The following AFDN variants were observed in gnomAD, a reference collection of about 807,000 sequenced individuals.
The protein encoded by AFDN is afadin.
In AFDN, 68 loss-of-function variants were observed where a neutral mutation model predicts 216.6. The ratio of observed to expected loss-of-function variants is 0.31; its 90% CI spans 0.26 to 0.38. The LOEUF is 0.38. Ranked by LOEUF, AFDN falls within the 10% of genes least tolerant of loss-of-function variation. AFDN has a pLI of 1.00. For missense variants in AFDN, 2,136 were observed against 2,342.0 expected (o/e 0.91, Z 1.82); for synonymous variants, 868 against 853.7 (o/e 1.02, Z -0.29).
At chr6:167,871,107 T>TCC (rs375380129) in intron 3 of AFDN, among the ~76,000 whole-genome samples, 3 of 141,276 alleles carry the variant, frequency 2.1e-5, no homozygotes, top group South Asian at 2.5e-4. Context: ...TCCATTTCAT[T>TCC]CCCCCCCGCC....
intron 15 of AFDN, chr6:167,911,697 C>T: frequency 1.8e-6 from 1 of 558,448 alleles, no homozygotes; most frequent in South Asian, 2.2e-5. Context: ...TGTAAAACTT[C>T]AGCATAAGTG....
chr6:167,948,938 C>T (rs558030935), intron 29 of AFDN, among the ~76,000 whole-genome samples: 7 of 152,226 alleles, frequency 4.6e-5, no homozygotes, highest in Admixed American at 6.5e-5. Context: ...GCTGTATGCA[C>T]GGAAGGGCCT....
At chr6:167,851,781 G>A (rs1393367579) in intron 1 of AFDN, among the ~76,000 whole-genome samples, 1 of 152,122 alleles carries the variant, frequency 6.6e-6, no homozygotes, top group Non-Finnish European at 1.5e-5. Context: ...CACACCTGTT[G>A]CTTGTTGAGT....
chr6:167,965,649 A>G, intron 31 of AFDN, 108 bp from the exon 32 acceptor site: 2 of 1,048,472 alleles, frequency 1.9e-6, no homozygotes, highest in Middle Eastern at 3.0e-4. Flanking sequence ...TAACTATTAA[A>G]CTTTGACGTC....
chr6:167,857,094 A>G (rs1782985270), intron 1 of AFDN, among the ~76,000 whole-genome samples: 2 of 152,244 alleles, frequency 1.3e-5, no homozygotes, highest in South Asian at 2.1e-4. Flanking sequence ...AATGTTTGCT[A>G]TGATTACGGT....
At chr6:167,914,579 G>T in intron 17 of AFDN, 65 bp from the exon 18 acceptor site, 2 of 1,212,738 alleles carry the variant, frequency 1.6e-6, no homozygotes, top group South Asian at 1.3e-5. Flanking sequence ...TTTCCCATGT[G>T]ATAACATGTC....
At position 167,904,633 on chromosome 6, in the gene AFDN, C is replaced by T. The variant is rs367912893; in HGVS notation, c.1650+2247C>T. Among the ~76,000 whole-genome samples the T allele has an allele frequency of 6.6e-5, 10 of 152,284 alleles. No homozygotes were observed. In the East Asian group the frequency reaches 1.2e-3, roughly 18 times the overall value. The stretch of plus-strand genomic sequence containing the variant: ...TTAACAAACTTTCCCTGATCCTTCC[C>T]CACCTTAGAAGACAATACTACCATC... On this transcript the variant is annotated intron_variant, in intron 12 of 33. Transcript: ENST00000683244.
At chr6:167,864,335 C>T (rs750516956) in intron 1 of AFDN, 32 of 740,734 alleles carry the variant, frequency 4.3e-5, no homozygotes, top group South Asian at 9.5e-5. Context: ...TTATTTCATA[C>T]GTGACACAGG....
intron 5 of AFDN, 72 bp from the exon 6 acceptor site, chr6:167,880,288 C>T: frequency 7.1e-7 from 1 of 1,413,702 alleles, no homozygotes; most frequent in Non-Finnish European, 9.8e-7. Flanking sequence ...TCTCAAGTGA[C>T]TGTAAATGTT....
chr6:167,950,410 G>T (rs1269867248), intron 29 of AFDN, among the ~76,000 whole-genome samples: 4 of 148,092 alleles, frequency 2.7e-5, no homozygotes, highest in African/African-American at 1.0e-4. Flanking sequence ...GTGTGTGTGT[G>T]TGTGTGTGTG....
rs1333726355 is a variant in AFDN at position 167,970,182 on chromosome 6, G to T, written c.*247G>T. ...TCTTAATTATCTAACTCACACGAGG[G>T]TAAGTTTTTTGTTGGTTTCTTTTTT... is the stretch of plus-strand genomic sequence containing the variant. On this transcript the variant is annotated 3_prime_UTR_variant, in exon 34 of 34. Coordinates refer to ENST00000683244, the MANE Select transcript of AFDN (RefSeq NM_001386888.1). The T allele has an allele frequency of 4.8e-6, 2 of 413,820 alleles. No individual in the cohort carries two copies. The highest frequency in any genetic ancestry group is 4.2e-5 in the African/African-American group (2 of 47,682). 25.6% of individuals were successfully genotyped at this position (413,820 alleles called of 1,614,324 possible).
intron 2 of AFDN, among the ~76,000 whole-genome samples, chr6:167,869,268 C>G (rs1379203102): frequency 6.6e-6 from 1 of 152,060 alleles, no homozygotes; most frequent in Non-Finnish European, 1.5e-5. Context: ...TTACTCAACT[C>G]TGAAAGTGCT....
At chr6:167,893,950 A>G in intron 9 of AFDN, 44 bp downstream of exon 9, 1 of 1,408,022 alleles carries the variant, frequency 7.1e-7, no homozygotes, top group Non-Finnish European at 9.9e-7. Flanking sequence ...AAGCACTAAT[A>G]GAACCTCATG....
rs1797518538 is a variant in AFDN, at chr6:167,966,033, T to C, written c.5245T>C (p.Cys1749Arg). Reference sequence around the variant, plus strand: ...CAATGAGGAGGAGGAGGAGGAGGACTGCAGCCTAGCAGGTCAGGATAAGTA... The same window carrying C: ...CAATGAGGAGGAGGAGGAGGAGGACCGCAGCCTAGCAGGTCAGGATAAGTA... Reference protein sequence around the residue: ...AYNEEEEEEDCSLAGPNSYPG... With the variant: ...AYNEEEEEEDRSLAGPNSYPG... The change falls in exon 32 of 34, where the codon TGC (cysteine) becomes CGC (arginine). Residue 1749 changes from cysteine to arginine, a missense_variant. By Grantham distance (180) the Cys-to-Arg change is radical. Coordinates refer to ENST00000683244, the MANE Select transcript of AFDN (RefSeq NM_001386888.1). 6.5e-7 allele frequency: 1 copy of C among 1,546,600 alleles called. No individual in the cohort carries two copies.
At chr6:167,836,775 C>T (rs1326233857) in intron 1 of AFDN, among the ~76,000 whole-genome samples, 1 of 152,180 alleles carries the variant, frequency 6.6e-6, no homozygotes, top group African/African-American at 2.4e-5. Flanking sequence ...TTTAGTGCAT[C>T]ATGCTTATTA....
At chr6:167,957,737 C>G (rs1796663425) in intron 30 of AFDN, among the ~76,000 whole-genome samples, 1 of 152,174 alleles carries the variant, frequency 6.6e-6, no homozygotes, top group Non-Finnish European at 1.5e-5. Context: ...TAGTTAGGAC[C>G]ATGGAGGTGG....
intron 33 of AFDN, 41 bp downstream of exon 33, chr6:167,969,239 T>A: frequency 2.8e-6 from 4 of 1,439,970 alleles, no homozygotes; most frequent in Non-Finnish European, 3.9e-6. Context: ...CATCTGTACC[T>A]GATGAGCCCT....
At chr6:167,870,066 T>G (rs1168254021) in intron 2 of AFDN, among the ~76,000 whole-genome samples, 1 of 152,206 alleles carries the variant, frequency 6.6e-6, no homozygotes, top group African/African-American at 2.4e-5. Context: ...ATAATTTGAT[T>G]TACAGAAATA....
intron 1 of AFDN, among the ~76,000 whole-genome samples, chr6:167,849,257 G>C (rs1251780764): frequency 6.6e-6 from 1 of 152,016 alleles, no homozygotes; most frequent in African/African-American, 2.4e-5. Flanking sequence ...AGTATTTGTG[G>C]GTTTTTTCTT....
Sources: gnomAD v4.1 joint callset for allele counts (sites outside exome capture counted in the v4.1 genomes callset) on GRCh38, gnomAD v4.1.1 for gene constraint, MANE v1.5 for transcripts, NCBI Gene and HGNC (gene_info 2026-07-23, HGNC 2026-07-21) for gene names.